KIF21A: variants seen among roughly 807,000 people sequenced by gnomAD.
KIF21A encodes the protein kinesin-like protein KIF21A.
In KIF21A, 114 loss-of-function variants were observed where a neutral mutation model predicts 202.9. That is an observed-to-expected ratio of 0.56 (90% CI 0.48 to 0.66). KIF21A has a LOEUF of 0.66. Among genes scored for constraint, KIF21A ranks in the 30% least tolerant of loss-of-function variants. The pLI, the probability that KIF21A is intolerant of heterozygous loss-of-function variation, is 0.00. For missense variants in KIF21A, 1,677 were observed against 1,994.9 expected, an observed-to-expected ratio of 0.84 and a Z score of 3.04; for synonymous variants, 667 against 670.8, an observed-to-expected ratio of 0.99 and a Z score of 0.09.
chr12:39,368,035 A>T lies in KIF21A; in HGVS notation c.451-3T>A. The T allele has an allele frequency of 6.4e-7, 1 of 1,563,592 alleles. No individual in the cohort carries two copies. The highest frequency in any genetic ancestry group is 1.4e-5 in the African/African-American group (1 of 73,888). ...TCAAGGACCTCTTCATTATAGAGCT[A>T]TCAAAAAAATATTAGAAATCTAATT... On this transcript the variant is annotated splice_polypyrimidine_tract_variant and splice_region_variant and intron_variant, in intron 3 of 37. Coordinates refer to ENST00000361418, the MANE Select transcript of KIF21A (RefSeq NM_001173464.2).
At chr12:39,396,234 A>T (rs1951749618) in intron 1 of KIF21A, among the ~76,000 whole-genome samples, 1 of 152,146 alleles carries the variant, frequency 6.6e-6, no homozygotes, top group Admixed American at 6.5e-5. Flanking sequence ...AAATGTAAGA[A>T]TGTACTTTAA....
At chr12:39,427,629 C>T (rs1217041567) in intron 1 of KIF21A, among the ~76,000 whole-genome samples, 1 of 152,114 alleles carries the variant, frequency 6.6e-6, no homozygotes, top group Non-Finnish European at 1.5e-5. Context: ...GAAAAGAAAA[C>T]CACAAACCAC....
intron 21 of KIF21A, 65 bp from the exon 22 acceptor site, chr12:39,331,856 T>C (rs753336529): frequency 1.7e-5 from 20 of 1,157,080 alleles, no homozygotes; most frequent in Non-Finnish European, 2.4e-5. Flanking sequence ...CAACAGCCTA[T>C]TGTTTCACAT....
chr12:39,423,457 A>C (rs1441177859), intron 1 of KIF21A, among the ~76,000 whole-genome samples: 1 of 152,086 alleles, frequency 6.6e-6, no homozygotes, highest in Non-Finnish European at 1.5e-5. Context: ...TAGTCCTATC[A>C]GCATTCTTGG....
chr12:39,385,943 G>C (rs1427116463), intron 1 of KIF21A, among the ~76,000 whole-genome samples: 1 of 152,162 alleles, frequency 6.6e-6, no homozygotes, highest in Admixed American at 6.6e-5. Flanking sequence ...CTAGGTTACT[G>C]TACTTTACAA....
Position 39,307,717 on chromosome 12 carries a change from T to A in KIF21A, c.4290A>T (p.Gln1430His). 1 of 1,614,000 alleles carries A rather than the reference T, an allele frequency of 6.2e-7. No homozygotes were observed. The change falls in exon 34 of 38, where the codon CAA (glutamine) becomes CAT (histidine). Residue 1430 changes from glutamine to histidine, a missense_variant. Gln to His is a conservative substitution (Grantham distance 24). This residue lies in a region of KIF21A where 705 missense variants were observed against 791.9 expected (regional missense o/e 0.89). Coordinates refer to ENST00000361418, the MANE Select transcript of KIF21A (RefSeq NM_001173464.2). ...KCIRTLTSSG[Q>H]VTLGDACSAS... ...CAGAACAAGCATCTCCAAGAGTAAC[T>A]TGACCTGAAGACCTTAAGAGATACA...
At chr12:39,434,401 T>C (rs1388226049) in intron 1 of KIF21A, among the ~76,000 whole-genome samples, 2 of 152,212 alleles carry the variant, frequency 1.3e-5, no homozygotes, top group Non-Finnish European at 2.9e-5. Context: ...TTCCGACACA[T>C]GATCTTTCGG....
intron 1 of KIF21A, among the ~76,000 whole-genome samples, chr12:39,376,643 A>G (rs1950287702): frequency 6.6e-6 from 1 of 152,202 alleles, no homozygotes; most frequent in Admixed American, 6.6e-5. Flanking sequence ...ACAACTTCCT[A>G]TAACTTACGT....
At chr12:39,366,057 G>A (rs1949581818) in intron 6 of KIF21A, among the ~76,000 whole-genome samples, 2 of 152,072 alleles carry the variant, frequency 1.3e-5, no homozygotes, top group South Asian at 4.1e-4. Flanking sequence ...ACAGTATATT[G>A]TTAAATGTGG....
intron 1 of KIF21A, among the ~76,000 whole-genome samples, chr12:39,402,860 C>A (rs1017483693): frequency 5.9e-5 from 9 of 152,164 alleles, no homozygotes; most frequent in South Asian, 4.2e-4. Context: ...AGACTGGACA[C>A]CCTTGCATTA....
chr12:39,318,073 T>C lies in KIF21A; in HGVS notation c.3908A>G (p.Lys1303Arg). Residue 1303 changes from lysine to arginine, a missense_variant and splice_region_variant, in exon 29 of 38, where the codon AAG (lysine) becomes AGG (arginine). Physicochemically the swap from Lys to Arg is conservative, Grantham distance 26 (BLOSUM62 2). Coordinates refer to ENST00000361418, the MANE Select transcript of KIF21A (RefSeq NM_001173464.2). Reference sequence around the variant, plus strand: ...GGGGCTCTTTTCCATAATGACTTACTTATCCTGCTGAACTGATGTGTTTCC... The same window carrying C: ...GGGGCTCTTTTCCATAATGACTTACCTATCCTGCTGAACTGATGTGTTTCC... The part of the protein sequence containing the change: ...SQGNTSVQQD[K>R]SDESDSSLSE... 11 of 1,612,264 alleles carry C rather than the reference T, an allele frequency of 6.8e-6. No individual in the cohort carries two copies. The highest frequency in any genetic ancestry group is 9.3e-6 in the Non-Finnish European group (11 of 1,178,634).
At chr12:39,321,269 G>A (rs563498066) in intron 27 of KIF21A, 1 of 152,296 alleles carries the variant, frequency 6.6e-6, no homozygotes, top group South Asian at 2.1e-4. Flanking sequence ...AAGTTATTTA[G>A]AGGCAGAGCC....
intron 1 of KIF21A, among the ~76,000 whole-genome samples, chr12:39,396,421 C>T (rs1951764452): frequency 2.0e-5 from 3 of 152,082 alleles, no homozygotes; most frequent in Non-Finnish European, 4.4e-5. Context: ...ACAGCCAAAA[C>T]TTAATAAATG....
At chr12:39,349,912 A>G (rs1948228199) in intron 11 of KIF21A, among the ~76,000 whole-genome samples, 1 of 152,018 alleles carries the variant, frequency 6.6e-6, no homozygotes, top group Admixed American at 6.6e-5. Flanking sequence ...TATAGGTGTC[A>G]GTTTTACAAA....
At chr12:39,359,379 T>A (rs1397101295) in intron 7 of KIF21A, among the ~76,000 whole-genome samples, 10 of 152,134 alleles carry the variant, frequency 6.6e-5, no homozygotes, top group Admixed American at 6.6e-5. Context: ...ATTCTTTATA[T>A]TATTATTATA....
At chr12:39,322,450 C>G (rs370266635) in intron 27 of KIF21A, 13 of 465,976 alleles carry the variant, frequency 2.8e-5, no homozygotes, top group Middle Eastern at 5.8e-4. Context: ...GATCCTAAAA[C>G]TTGGAGACAA....
At chr12:39,367,306 G>A (rs1949667849) in intron 4 of KIF21A, 142 bp from the exon 5 acceptor site, 1 of 847,250 alleles carries the variant, frequency 1.2e-6, no homozygotes, top group Non-Finnish European at 1.9e-6. Flanking sequence ...TCAGTTACAG[G>A]CACTTTTTGA....
At chr12:39,313,126 G>T (rs557105298) in intron 31 of KIF21A, among the ~76,000 whole-genome samples, 27 of 151,896 alleles carry the variant, frequency 1.8e-4, no homozygotes, top group African/African-American at 6.0e-4. Context: ...AAGTATTTCT[G>T]TTTTTAAATC....
chr12:39,404,821 C>T (rs1211594694), intron 1 of KIF21A, among the ~76,000 whole-genome samples: 1 of 152,052 alleles, frequency 6.6e-6, no homozygotes, highest in Non-Finnish European at 1.5e-5. Context: ...AGTTCTTTGT[C>T]TTGGCAAATT....
Sources: allele counts gnomAD v4.1 joint callset (sites outside exome capture counted in the v4.1 genomes callset), GRCh38; gene constraint gnomAD v4.1.1; regional missense constraint gnomAD v4.1.1; transcripts MANE v1.5; gene names NCBI Gene and HGNC (gene_info 2026-07-23, HGNC 2026-07-21).